The following CADM2 variants were observed in gnomAD, a reference collection of about 807,000 sequenced individuals.
CADM2 encodes immunoglobulin superfamily member 4D.
A neutral mutation model predicts 49.8 loss-of-function variants in CADM2; 12 were observed. The ratio of observed to expected loss-of-function variants is 0.24; its 90% CI spans 0.15 to 0.39. The LOEUF (loss-of-function observed/expected upper bound fraction) is 0.39. CADM2 is among the 10% of genes least tolerant of loss of function. The probability of loss-of-function intolerance (pLI) is 1.00; values close to 1 mark genes in which losing one functional copy is unlikely to be tolerated. For synonymous variants in CADM2, 214 were observed against 175.4 expected, an observed-to-expected ratio of 1.22 and a Z score of -1.74; for missense variants, 378 against 492.3, an observed-to-expected ratio of 0.77 and a Z score of 2.20.
At chr3:85,107,775 C>T (rs1420671039) in intron 1 of CADM2, among the ~76,000 whole-genome samples, 2 of 148,130 alleles carry the variant, frequency 1.4e-5, no homozygotes, top group Non-Finnish European at 3.0e-5. Context: ...TCTCAGCTCA[C>T]TGCAACTTCT....
intron 1 of CADM2, among the ~76,000 whole-genome samples, chr3:85,313,972 C>A (rs1441947318): frequency 6.6e-6 from 1 of 152,188 alleles, no homozygotes; most frequent in South Asian, 2.1e-4. Context: ...CTCACTGCAA[C>A]CTCCAGCTCC....
At chr3:85,156,393 C>T (rs1430155302) in intron 1 of CADM2, among the ~76,000 whole-genome samples, 1 of 151,988 alleles carries the variant, frequency 6.6e-6, no homozygotes, top group Non-Finnish European at 1.5e-5. Context: ...ATAAATTCCT[C>T]GACACATACA....
In CADM2 at chr3:85,873,913, T is replaced by C. The variant is rs564900171; in HGVS notation, c.239-9378T>C. ...CCAAAAGGGAAATATTAGTAAGAAG[T>C]GGGGAAACTGAGGGAAGGAAGCAAG... On this transcript the variant is annotated intron_variant, in intron 3 of 9. Transcript: ENST00000383699. Among the ~76,000 whole-genome samples the C allele has an allele frequency of 4.6e-4, 70 of 152,080 alleles. No individual in the cohort carries two copies. The South Asian group carries it at 0.014, about 31-fold the overall frequency.
intron 1 of CADM2, among the ~76,000 whole-genome samples, chr3:85,568,452 T>A (rs1217426383): frequency 4.3e-4 from 9 of 20,802 alleles, no homozygotes; most frequent in East Asian, 6.0e-3. Flanking sequence ...TCTTTCTTTC[T>A]TTCTTTCTTT....
chr3:86,040,876 T>G (rs921322179), intron 8 of CADM2, among the ~76,000 whole-genome samples: 25 of 152,204 alleles, frequency 1.6e-4, no homozygotes, highest in African/African-American at 5.3e-4. Context: ...GACTAACAGC[T>G]GATCTCTTGG....
intron 8 of CADM2, among the ~76,000 whole-genome samples, chr3:86,041,301 GTC>G (rs1267926425): frequency 1.3e-5 from 2 of 152,140 alleles, no homozygotes; most frequent in African/African-American, 2.4e-5. Context: ...TGGATAAAGA[GTC>G]AAGACCCATC....
At chr3:85,934,752 C>T (rs941120813) in intron 6 of CADM2, among the ~76,000 whole-genome samples, 9 of 152,046 alleles carry the variant, frequency 5.9e-5, no homozygotes, top group African/African-American at 2.2e-4. Context: ...GGTAGTAACT[C>T]ATTTAACTGG....
chr3:85,956,229 A>G (rs1577770723), intron 7 of CADM2, among the ~76,000 whole-genome samples: 2 of 151,532 alleles, frequency 1.3e-5, no homozygotes, highest in East Asian at 3.9e-4. Flanking sequence ...GACTGGAACC[A>G]CTTTTAAATG....
intron 1 of CADM2, among the ~76,000 whole-genome samples, chr3:85,011,348 G>A (rs1220184528): frequency 6.6e-6 from 1 of 151,906 alleles, no homozygotes; most frequent in Non-Finnish European, 1.5e-5. Flanking sequence ...ATTTAGATAG[G>A]GTGTCCAGCT....
rs1577618429 is a variant in CADM2 at position 85,904,328 on chromosome 3, C to T, written c.530-8045C>T. ...AGAGAGTCCCAACCTTTCAGCCACACCACCTGGAATTTTGACTTTGCAACC... is the reference window on the plus strand; with the variant it reads ...AGAGAGTCCCAACCTTTCAGCCACATCACCTGGAATTTTGACTTTGCAACC... On this transcript the variant is annotated intron_variant, in intron 5 of 9. Coordinates refer to ENST00000383699, the MANE Select transcript of CADM2 (RefSeq NM_001167675.2). 1.3e-5 allele frequency among the ~76,000 whole-genome samples: 2 copies of T among 152,278 alleles called. 1 individual carries two copies. The highest frequency in any genetic ancestry group is 3.9e-4 in the East Asian group (2 of 5,164).
chr3:85,002,790 G>A lies in CADM2; in HGVS notation c.61+43122G>A, dbSNP rs112661442. ...TTTCCTTTTCTTTCTTTTTTTCTTT[G>A]TTTCTTTTTATTAGAGACAGGGTCT... is the stretch of plus-strand genomic sequence containing the variant. On this transcript the variant is annotated intron_variant, in intron 1 of 9. Transcript: ENST00000383699. 6.4e-3 allele frequency among the ~76,000 whole-genome samples: 968 copies of A among 151,698 alleles called. 15 individuals are homozygous for A. Among genetic ancestry groups the A allele is most frequent in the African/African-American group, 0.022 (926 of 41,388 alleles).
chr3:85,122,024 C>CT (rs549013777), intron 1 of CADM2, among the ~76,000 whole-genome samples: 107 of 147,866 alleles, frequency 7.2e-4, no homozygotes, highest in African/African-American at 1.5e-3. Context: ...TTGATCTCAT[C>CT]TTTTTTTTTT....
chr3:85,617,281 G>T (rs2107473676), intron 1 of CADM2, among the ~76,000 whole-genome samples: 1 of 152,188 alleles, frequency 6.6e-6, no homozygotes, highest in African/African-American at 2.4e-5. Flanking sequence ...CTTTCAGTTT[G>T]ATTTATTTGC....
chr3:85,821,758 CTATA>C (rs1261459443), intron 3 of CADM2, among the ~76,000 whole-genome samples: 2 of 151,964 alleles, frequency 1.3e-5, no homozygotes, highest in African/African-American at 4.8e-5. Flanking sequence ...CCATTTTTCT[CTATA>C]TATCAAGCAC....
intron 1 of CADM2, among the ~76,000 whole-genome samples, chr3:85,289,890 A>G (rs2043735193): frequency 6.6e-6 from 1 of 152,230 alleles, no homozygotes. Flanking sequence ...TAGATATGTT[A>G]AATAAATTAA....
At chr3:85,132,626 TTATATA>T (rs553131352) in intron 1 of CADM2, among the ~76,000 whole-genome samples, 1 of 146,832 alleles carries the variant, frequency 6.8e-6, no homozygotes, top group Non-Finnish European at 1.5e-5. Context: ...CAAGGATATA[TTATATA>T]TATATATATA....
At chr3:85,199,688 C>G (rs2041443755) in intron 1 of CADM2, among the ~76,000 whole-genome samples, 1 of 151,778 alleles carries the variant, frequency 6.6e-6, no homozygotes, top group Admixed American at 6.6e-5. Context: ...TAGTAATGCA[C>G]AGATTTAATT....
intron 1 of CADM2, among the ~76,000 whole-genome samples, chr3:85,033,876 C>T (rs1305412684): frequency 6.6e-6 from 1 of 152,124 alleles, no homozygotes; most frequent in Non-Finnish European, 1.5e-5. Flanking sequence ...TTTTGAAACC[C>T]ACTTCTGAGG....
intron 3 of CADM2, among the ~76,000 whole-genome samples, chr3:85,876,145 G>A (rs1711804161): frequency 6.6e-6 from 1 of 152,164 alleles, no homozygotes; most frequent in Non-Finnish European, 1.5e-5. Flanking sequence ...AATGTGTGCA[G>A]TGTTTGTCTT....
Sources: allele counts gnomAD v4.1 joint callset (sites outside exome capture counted in the v4.1 genomes callset), GRCh38; gene constraint gnomAD v4.1.1; transcripts MANE v1.5; gene names NCBI Gene and HGNC (gene_info 2026-07-23, HGNC 2026-07-21).